Variants in SLC8B1 observed in about 807,000 individuals in gnomAD.
SLC8B1 encodes solute carrier family 8 member B1.
In SLC8B1, 52 loss-of-function variants were observed where a neutral mutation model predicts 63.4. The ratio of observed to expected loss-of-function variants is 0.82; its 90% confidence interval spans 0.66 to 1.03. The LOEUF (loss-of-function observed/expected upper bound fraction) is 1.03. Ranked by LOEUF, SLC8B1 falls within the 50% of genes least tolerant of loss-of-function variation. The pLI is 0.00. For synonymous variants in SLC8B1, 336 were observed against 323.9 expected (o/e 1.04, Z -0.40); for missense variants, 657 against 741.7 (o/e 0.89, Z 1.33).
intron 1 of SLC8B1, 49 bp from the exon 2 acceptor site, chr12:113,333,009 G>T: frequency 8.6e-7 from 1 of 1,167,746 alleles, no homozygotes; most frequent in African/African-American, 1.5e-5. Flanking sequence ...AAAACCCATG[G>T]ACACAGCAAA....
Position 113,304,327 on chromosome 12 carries a change from T to C in SLC8B1, c.1551A>G (p.Glu517=), listed in dbSNP as rs184899165. 1 of 1,613,988 alleles carries C rather than the reference T, an allele frequency of 6.2e-7. No individual in the cohort carries two copies. The highest frequency in any genetic ancestry group is 2.2e-5 in the East Asian group (1 of 44,882). ...ACTTACAAGGAATACTCACCTTCAC[T>C]TCTGTGTGGCTTCGGGAGATCTGGA... ...CLLQISRSHT[E]VKLEPDGLLV... Residue 517 remains glutamate (E), a synonymous_variant, in exon 15 of 16, where the codon GAA becomes GAG. Transcript: ENST00000680972.
intron 2 of SLC8B1, among the ~76,000 whole-genome samples, chr12:113,323,483 C>T (rs1380985532): frequency 2.6e-5 from 4 of 151,976 alleles, no homozygotes; most frequent in African/African-American, 4.8e-5. Flanking sequence ...CCGAGGTAGG[C>T]GGATCACTTG....
Position 113,304,396 on chromosome 12 carries a change from G to A in SLC8B1, c.1493-11C>T. 2 of 1,613,414 alleles carry A rather than the reference G, an allele frequency of 1.2e-6. No individual in the cohort carries two copies. Among genetic ancestry groups the A allele is most frequent in the Non-Finnish European group, 8.5e-7 (1 of 1,179,730 alleles). ...CACCCACGAGGATGTCTGCAGCCCA[G>A]CTCAGGAAGCTTTGCTGGAATGGCC... is the stretch of plus-strand genomic sequence containing the variant. On this transcript the variant is annotated splice_polypyrimidine_tract_variant and intron_variant, in intron 14 of 15. Transcript: ENST00000680972.
intron 2 of SLC8B1, among the ~76,000 whole-genome samples, chr12:113,323,274 G>C (rs1326234698): frequency 6.6e-6 from 1 of 152,214 alleles, no homozygotes; most frequent in East Asian, 1.9e-4. Flanking sequence ...AACATTGCTA[G>C]ATTTTGCCAA....
intron 11 of SLC8B1, among the ~76,000 whole-genome samples, chr12:113,312,304 C>T (rs544412384): frequency 3.9e-5 from 6 of 152,042 alleles, no homozygotes; most frequent in East Asian, 1.9e-4. Context: ...TGTGGTGGCA[C>T]GCACCTGTAA....
intron 14 of SLC8B1, 114 bp downstream of exon 14, chr12:113,306,381 A>G (rs1956675642): frequency 2.3e-6 from 2 of 853,884 alleles, no homozygotes; most frequent in Non-Finnish European, 3.5e-6. Flanking sequence ...AGGCAGCCAC[A>G]TTACCTGCCC....
At chr12:113,309,601 C>T (rs778053489) in intron 12 of SLC8B1, among the ~76,000 whole-genome samples, 7 of 152,044 alleles carry the variant, frequency 4.6e-5, no homozygotes, top group South Asian at 4.1e-4. Flanking sequence ...AAAAAACATA[C>T]AAAAATTAGC....
chr12:113,319,376 T>G (rs1312515768), intron 7 of SLC8B1: 1 of 295,878 alleles, frequency 3.4e-6, no homozygotes, highest in African/African-American at 2.2e-5. Context: ...GAGGCAGCCC[T>G]GTAGCTCTGG....
chr12:113,328,390 G>C (rs936484066), intron 2 of SLC8B1, among the ~76,000 whole-genome samples: 1 of 152,064 alleles, frequency 6.6e-6, no homozygotes, highest in African/African-American at 2.4e-5. Flanking sequence ...CCACCAGCAC[G>C]GAGAACAACT....
intron 14 of SLC8B1, 121 bp from the exon 15 acceptor site, chr12:113,304,506 C>T: frequency 1.1e-6 from 1 of 870,722 alleles, no homozygotes; most frequent in Non-Finnish European, 1.8e-6. Context: ...TGAACTTGGG[C>T]CAGGCGCAGT....
intron 2 of SLC8B1, among the ~76,000 whole-genome samples, chr12:113,328,911 C>T (rs946152362): frequency 6.6e-6 from 1 of 152,040 alleles, no homozygotes; most frequent in African/African-American, 2.4e-5. Context: ...ACCACCATGC[C>T]CAGGTAATTT....
At chr12:113,327,927 G>C (rs1957014566) in intron 2 of SLC8B1, among the ~76,000 whole-genome samples, 1 of 144,106 alleles carries the variant, frequency 6.9e-6, no homozygotes, top group African/African-American at 2.7e-5. Flanking sequence ...GCAGTGAGCT[G>C]AGATTGCACC....
intron 2 of SLC8B1, 111 bp downstream of exon 2, chr12:113,332,612 G>T: frequency 7.7e-7 from 1 of 1,294,096 alleles, no homozygotes; most frequent in Non-Finnish European, 1.0e-6. Context: ...TTGTTCCCCG[G>T]TATATCCCAG....
At position 113,320,366 on chromosome 12, in the gene SLC8B1, A is replaced by G. The variant is rs1462353064; in HGVS notation, c.659T>C (p.Leu220Pro). Residue 220 changes from leucine (L) to proline (P), a missense_variant, in exon 7 of 16, where the codon CTC (leucine) becomes CCC (proline). By Grantham distance (98) the Leu-to-Pro change is moderately conservative. Transcript: ENST00000680972. This position sits in a 1 kb window ranked among gnomAD's most constrained non-coding sequence, Gnocchi z 5.3. ...MVAVFLTFLM[L>P]FRGRVTLAWA... Reference sequence around the variant, plus strand: ...TGCCAGGGTGACCCTGCCACGGAAGAGCATGAGGAAGGTCAGGAACACAGC... The same window carrying G: ...TGCCAGGGTGACCCTGCCACGGAAGGGCATGAGGAAGGTCAGGAACACAGC... 1 of 1,614,162 alleles carries G rather than the reference A, an allele frequency of 6.2e-7. No individual in the cohort carries two copies.
chr12:113,319,633 C>T (rs558548926), intron 7 of SLC8B1, among the ~76,000 whole-genome samples: 2 of 152,252 alleles, frequency 1.3e-5, no homozygotes, highest in South Asian at 2.1e-4. Flanking sequence ...CTGAGTATCT[C>T]GAATCTCGGT....
chr12:113,334,007 C>T (rs1957093940), intron 1 of SLC8B1, among the ~76,000 whole-genome samples: 1 of 152,188 alleles, frequency 6.6e-6, no homozygotes, highest in African/African-American at 2.4e-5. Flanking sequence ...CCACACCCAG[C>T]AGAGGAATTC....
chr12:113,332,260 T>C (rs1264651929), intron 2 of SLC8B1, among the ~76,000 whole-genome samples: 1 of 152,150 alleles, frequency 6.6e-6, no homozygotes, highest in African/African-American at 2.4e-5. Flanking sequence ...ACCTGAAATG[T>C]ATATGCTTAC....
At chr12:113,325,293 A>G (rs533718275) in intron 2 of SLC8B1, among the ~76,000 whole-genome samples, 1 of 151,942 alleles carries the variant, frequency 6.6e-6, no homozygotes, top group East Asian at 2.0e-4. Context: ...GTGCTTTGTC[A>G]CTCAGGCTGG....
At chr12:113,333,007 T>C (rs1218566602) in intron 1 of SLC8B1, 47 bp from the exon 2 acceptor site, 11 of 1,171,952 alleles carry the variant, frequency 9.4e-6, no homozygotes, top group African/African-American at 1.5e-5. Flanking sequence ...TGAAAACCCA[T>C]GGACACAGCA....
Sources: allele counts gnomAD v4.1 joint callset (sites outside exome capture counted in the v4.1 genomes callset), GRCh38; gene constraint gnomAD v4.1.1; non-coding constraint Gnocchi (gnomAD v3.1); transcripts MANE v1.5; gene names NCBI Gene and HGNC (gene_info 2026-07-23, HGNC 2026-07-21).